ALMS1: variants seen among roughly 807,000 people sequenced by gnomAD.
ALMS1 encodes centrosome-associated protein ALMS1.
Under a neutral mutation model 352.2 loss-of-function variants are expected in ALMS1, and 271 were observed. That is an observed-to-expected ratio of 0.77 (90% confidence interval 0.70 to 0.85). The LOEUF is 0.85. Ranked by LOEUF, ALMS1 falls within the 40% of genes least tolerant of loss-of-function variation. The probability of loss-of-function intolerance (pLI) is 0.00; values close to 1 mark genes in which losing one functional copy is unlikely to be tolerated. For synonymous variants in ALMS1, 1,865 were observed against 1,761.2 expected (o/e 1.06, Z -1.48); for missense variants, 5,445 against 4,870.7 (o/e 1.12, Z -3.51).
At chr2:73,438,829 A>G (rs1024154034) in intron 7 of ALMS1, among the ~76,000 whole-genome samples, 1 of 151,878 alleles carries the variant, frequency 6.6e-6, no homozygotes, top group African/African-American at 2.4e-5. Flanking sequence ...CCTTTACTAT[A>G]TCACACTGGA....
chr2:73,448,903 T>C lies in ALMS1; in HGVS notation c.2376T>C (p.Ala792=). ...HLPEEGLKVS[A]VAGPADQKTG... ...CTGAAGAGGGTCTGAAAGTTTCAGC[T>C]GTTGCTGGACCAGCTGACCAGAAGA... Residue 792 remains alanine, a synonymous_variant, in exon 8 of 23, where the codon GCT becomes GCC. Transcript: ENST00000613296. 6.2e-7 allele frequency: 1 copy of C among 1,614,012 alleles called. No individual in the cohort carries two copies. Among genetic ancestry groups the C allele is most frequent in the Non-Finnish European group, 8.5e-7 (1 of 1,179,972 alleles).
chr2:73,510,283 A>G (rs1485849739), intron 10 of ALMS1, among the ~76,000 whole-genome samples: 1 of 152,158 alleles, frequency 6.6e-6, no homozygotes, highest in East Asian at 1.9e-4. Context: ...CCTTTGGAGG[A>G]GAAGAGGCAT....
rs2103793146 is a variant in ALMS1, at chr2:73,453,757, C to T, written c.7230C>T (p.Val2410=). 12 of 1,614,090 alleles carry T rather than the reference C, an allele frequency of 7.4e-6. No homozygotes were observed. Among genetic ancestry groups the T allele is most frequent in the South Asian group, 1.1e-5 (1 of 91,060 alleles). Residue 2410 remains valine, a synonymous_variant, in exon 8 of 23, where the codon GTC becomes GTT. Coordinates refer to ENST00000613296, the MANE Select transcript of ALMS1 (RefSeq NM_001378454.1). ...GNKIIIPMMT[V]IKSDSSSDAS... ...AAATTATTATCCCTATGATGACTGT[C>T]ATAAAAAGTGATTCAAGTAGTGATG... is the stretch of plus-strand genomic sequence containing the variant.
chr2:73,540,405 C>A (rs191105092), intron 12 of ALMS1, among the ~76,000 whole-genome samples: 24 of 152,298 alleles, frequency 1.6e-4, no homozygotes, highest in African/African-American at 5.3e-4. Context: ...GTACCAGCCA[C>A]TGCAAAAACA....
chr2:73,476,027 T>G (rs1672576935), intron 9 of ALMS1, among the ~76,000 whole-genome samples: 1 of 151,968 alleles, frequency 6.6e-6, no homozygotes, highest in Non-Finnish European at 1.5e-5. Flanking sequence ...AAACTCTATA[T>G]CCATTAAACA....
chr2:73,540,905 A>G (rs538135766), intron 12 of ALMS1, among the ~76,000 whole-genome samples: 7 of 152,294 alleles, frequency 4.6e-5, no homozygotes, highest in Admixed American at 4.6e-4. Context: ...AGAGACTTAG[A>G]CTCCCACACA....
At chr2:73,557,443 T>A in intron 14 of ALMS1, 89 bp downstream of exon 14, 1 of 1,535,242 alleles carries the variant, frequency 6.5e-7, no homozygotes, top group Non-Finnish European at 9.0e-7. Flanking sequence ...AAATATATTC[T>A]CTATTTTCTT....
chr2:73,408,784 A>G (rs1407406675), intron 2 of ALMS1, 37 bp downstream of exon 2: 1 of 1,582,190 alleles, frequency 6.3e-7, no homozygotes, highest in East Asian at 2.3e-5. Context: ...TTTTTTTTTG[A>G]TAAGCAGCAC....
At position 73,452,159 on chromosome 2, in the gene ALMS1, G is replaced by T; in HGVS notation, c.5632G>T (p.Val1878Phe). 1 of 1,609,224 alleles carries T rather than the reference G, an allele frequency of 6.2e-7. No individual in the cohort carries two copies. The highest frequency in any genetic ancestry group is 2.2e-5 in the East Asian group (1 of 44,868). ...LTEVTLKAIG[V>F]PGPADQKTGI... ...TGAAGTAACTTTGAAAGCAATAGGGGTTCCTGGGCCTGCTGACCAGAAGAC... is the reference window on the plus strand; with the variant it reads ...TGAAGTAACTTTGAAAGCAATAGGGTTTCCTGGGCCTGCTGACCAGAAGAC... The change falls in exon 8 of 23, where the codon GTT (valine) becomes TTT (phenylalanine). Residue 1878 changes from valine (V) to phenylalanine (F), a missense_variant. Transcript: ENST00000613296.
At chr2:73,466,219 T>G (rs183479460) in intron 9 of ALMS1, among the ~76,000 whole-genome samples, 297 of 151,962 alleles carry the variant, frequency 2.0e-3, no homozygotes, top group East Asian at 0.01. Flanking sequence ...CAATAGCAAA[T>G]ACTTGGAACC....
intron 21 of ALMS1, among the ~76,000 whole-genome samples, chr2:73,605,745 A>T (rs1245621897): frequency 6.6e-6 from 1 of 152,204 alleles, no homozygotes; most frequent in East Asian, 1.9e-4. Context: ...CTGGAGGCTG[A>T]GGCAGGAGAA....
At chr2:73,412,331 T>C (rs966954231) in intron 2 of ALMS1, among the ~76,000 whole-genome samples, 8 of 152,232 alleles carry the variant, frequency 5.3e-5, no homozygotes, top group Admixed American at 3.3e-4. Context: ...AATAATACGG[T>C]GTGTAGACTT....
At chr2:73,505,629 T>A (rs1009094403) in intron 10 of ALMS1, among the ~76,000 whole-genome samples, 1 of 152,190 alleles carries the variant, frequency 6.6e-6, no homozygotes, top group Non-Finnish European at 1.5e-5. Context: ...AAATTAAGTT[T>A]CCTTGATTTT....
At chr2:73,423,977 C>T (rs984691954) in intron 4 of ALMS1, among the ~76,000 whole-genome samples, 3 of 151,944 alleles carry the variant, frequency 2.0e-5, no homozygotes, top group African/African-American at 2.4e-5. Context: ...AGGGTCTTGC[C>T]GTATTGCCAA....
chr2:73,602,036 CAG>C, intron 19 of ALMS1, 147 bp from the exon 20 acceptor site: 1 of 824,764 alleles, frequency 1.2e-6, no homozygotes, highest in South Asian at 1.6e-5. Context: ...AGAGAGATGT[CAG>C]AGGATTCTTC....
At chr2:73,434,739 G>T (rs2103740038) in intron 7 of ALMS1, among the ~76,000 whole-genome samples, 1 of 152,082 alleles carries the variant, frequency 6.6e-6, no homozygotes, top group African/African-American at 2.4e-5. Context: ...TCTCAGATTT[G>T]CTTCACATAT....
At chr2:73,481,018 T>C (rs1334832144) in intron 9 of ALMS1, among the ~76,000 whole-genome samples, 3 of 151,126 alleles carry the variant, frequency 2.0e-5, no homozygotes, top group South Asian at 2.1e-4. Context: ...TTCTCCCATT[T>C]TGTAGGTTTC....
At chr2:73,465,335 A>T (rs1227523887) in intron 9 of ALMS1, among the ~76,000 whole-genome samples, 7 of 152,214 alleles carry the variant, frequency 4.6e-5, no homozygotes, top group African/African-American at 9.6e-5. Flanking sequence ...ATAATGCCAC[A>T]TATCTACAAC....
intron 9 of ALMS1, among the ~76,000 whole-genome samples, chr2:73,477,993 A>G (rs1463352458): frequency 2.0e-5 from 3 of 152,178 alleles, no homozygotes; most frequent in Non-Finnish European, 1.5e-5. Flanking sequence ...GTAACATCCA[A>G]TATGATACTG....
Sources: allele counts gnomAD v4.1 joint callset (sites outside exome capture counted in the v4.1 genomes callset), GRCh38; gene constraint gnomAD v4.1.1; transcripts MANE v1.5; gene names NCBI Gene and HGNC (gene_info 2026-07-23, HGNC 2026-07-21).